Variants in DOCK5 observed in about 807,000 individuals in gnomAD.
The protein encoded by DOCK5 is dedicator of cytokinesis protein 5.
Under a neutral mutation model 251.8 loss-of-function variants are expected in DOCK5, and 142 were observed. That is an observed-to-expected ratio of 0.56 (90% CI 0.49 to 0.65). DOCK5 has a LOEUF of 0.65. Ranked by LOEUF, DOCK5 falls within the 30% of genes least tolerant of loss-of-function variation. DOCK5 has a pLI of 0.00. For missense variants in DOCK5, 2,111 were observed against 2,312.3 expected, an observed-to-expected ratio of 0.91 and a Z score of 1.79; for synonymous variants, 842 against 835.5, an observed-to-expected ratio of 1.01 and a Z score of -0.13.
chr8:25,291,067 G>A (rs1380458811), intron 5 of DOCK5, among the ~76,000 whole-genome samples: 3 of 152,166 alleles, frequency 2.0e-5, no homozygotes, highest in Non-Finnish European at 2.9e-5. Context: ...GATTGTTGGG[G>A]TGGAGACTGG....
At chr8:25,346,349 G>A (rs1027939317) in intron 26 of DOCK5, among the ~76,000 whole-genome samples, 3 of 152,118 alleles carry the variant, frequency 2.0e-5, no homozygotes, top group African/African-American at 7.2e-5. Context: ...AGGCCTTTCT[G>A]TTTTTATGCA....
At chr8:25,210,938 T>G (rs61366968) in intron 1 of DOCK5, among the ~76,000 whole-genome samples, 30,665 of 65,198 alleles carry the variant, frequency 0.47, 13,490 homozygotes, top group African/African-American at 0.68. Context: ...GAGCTGAGGT[T>G]GGGGTAGTTC....
At chr8:25,289,040 T>G (rs954185012) in intron 5 of DOCK5, among the ~76,000 whole-genome samples, 2 of 152,218 alleles carry the variant, frequency 1.3e-5, no homozygotes, top group Non-Finnish European at 2.9e-5. Flanking sequence ...TCCTTTGTGT[T>G]GCCACAGAAC....
rs1426348315 is a variant in DOCK5, at chr8:25,306,489, A to G, written c.1049+2162A>G. Reference sequence around the variant, plus strand: ...TGGGAGGCCAAGGCGGGCAGATCACAAGGTCAGGAGATCGAGACCACGGTG... The same window carrying G: ...TGGGAGGCCAAGGCGGGCAGATCACGAGGTCAGGAGATCGAGACCACGGTG... On this transcript the variant is annotated intron_variant, in intron 11 of 51. Coordinates refer to ENST00000276440, the MANE Select transcript of DOCK5 (RefSeq NM_024940.8). Among the ~76,000 whole-genome samples the G allele has an allele frequency of 1.3e-4, 20 of 152,172 alleles. No homozygotes were observed. The East Asian group carries it at 1.5e-3, about 12-fold the overall frequency.
chr8:25,262,321 T>C lies in DOCK5; in HGVS notation c.128-6524T>C, dbSNP rs73558488. ...ATAGAGTAAAATTCACCGTTTTTAG[T>C]GTACAATTCTGCAGGTTTTGACAAA... On this transcript the variant is annotated intron_variant, in intron 2 of 51. Coordinates refer to ENST00000276440, the MANE Select transcript of DOCK5 (RefSeq NM_024940.8). Among the ~76,000 whole-genome samples the C allele has an allele frequency of 4.8e-3, 724 of 152,190 alleles. 5 individuals are homozygous for C. Among genetic ancestry groups the C allele is most frequent in the African/African-American group, 0.016 (684 of 41,510 alleles).
At chr8:25,369,973 A>G (rs1338620291) in intron 34 of DOCK5, among the ~76,000 whole-genome samples, 2 of 152,248 alleles carry the variant, frequency 1.3e-5, no homozygotes, top group Non-Finnish European at 2.9e-5. Flanking sequence ...TTATAACTGC[A>G]AAGTAACAAT....
intron 32 of DOCK5, 34 bp downstream of exon 32, chr8:25,368,284 A>G (rs1297119926): frequency 7.0e-6 from 11 of 1,577,108 alleles, no homozygotes; most frequent in Non-Finnish European, 9.5e-6. Context: ...CCTGATCACA[A>G]CCTCTGAGTG....
chr8:25,412,000 C>G lies in DOCK5; in HGVS notation c.*702C>G, dbSNP rs924193701. 6.6e-6 allele frequency: 1 copy of G among 151,634 alleles called. No homozygotes were observed. Among genetic ancestry groups the G allele is most frequent in the African/African-American group, 2.4e-5 (1 of 41,308 alleles). The allele number at this position is 151,634 out of a possible 1,614,324, so 9.4% of individuals were successfully genotyped here. On this transcript the variant is annotated 3_prime_UTR_variant, in exon 52 of 52. Coordinates refer to ENST00000276440, the MANE Select transcript of DOCK5 (RefSeq NM_024940.8). ...GCCCTCTCCCTCTCCCACCACACTC[C>G]TGACTAATGGCCTTCACTGCGTCGC...
At chr8:25,221,529 A>T (rs769616098) in intron 1 of DOCK5, among the ~76,000 whole-genome samples, 1 of 152,022 alleles carries the variant, frequency 6.6e-6, no homozygotes, top group Non-Finnish European at 1.5e-5. Context: ...GGATGGTCTC[A>T]ATCTCTTGAC....
chr8:25,350,225 A>T (rs967931708), intron 26 of DOCK5, among the ~76,000 whole-genome samples: 1 of 152,232 alleles, frequency 6.6e-6, no homozygotes, highest in African/African-American at 2.4e-5. Context: ...TTTGTAAAAG[A>T]TAATAAAAAT....
At chr8:25,236,920 T>C (rs1438112812) in intron 1 of DOCK5, among the ~76,000 whole-genome samples, 1 of 152,216 alleles carries the variant, frequency 6.6e-6, no homozygotes, top group Non-Finnish European at 1.5e-5. Context: ...TGGAATATTA[T>C]GAATGATATA....
rs111375545 is a variant in DOCK5, at chr8:25,403,703, C to T, written c.5072C>T (p.Pro1691Leu). The change falls in exon 48 of 52, where the codon CCT (proline) becomes CTT (leucine). Residue 1691 changes from proline to leucine, a missense_variant. Pro to Leu is a moderately conservative substitution (Grantham distance 98). Around this residue, in one of 3 missense-constraint regions of DOCK5, gnomAD observed 1,717 missense variants for 1,892.4 expected, o/e 0.91. Transcript: ENST00000276440. ...TCTTCAAACTCGTCTGACAATGCTC[C>T]TTCCAGACCGGGATCTGATGGGTAA... is the stretch of plus-strand genomic sequence containing the variant. ...STSSNSSDNA[P>L]SRPGSDGSIL... The T allele has an allele frequency of 6.2e-7, 1 of 1,613,962 alleles. No homozygotes were observed. Among genetic ancestry groups the T allele is most frequent in the Non-Finnish European group, 8.5e-7 (1 of 1,179,856 alleles).
chr8:25,274,712 G>GATTTT (rs1803998362), intron 3 of DOCK5, among the ~76,000 whole-genome samples: 4 of 152,158 alleles, frequency 2.6e-5, no homozygotes, highest in Admixed American at 2.6e-4. Context: ...TGGTTTAAGT[G>GATTTT]GGAGTGCTGA....
chr8:25,235,342 C>A (rs1174950652), intron 1 of DOCK5, among the ~76,000 whole-genome samples: 1 of 152,104 alleles, frequency 6.6e-6, no homozygotes, highest in East Asian at 1.9e-4. Context: ...CTCACTGAAG[C>A]CTCAACCTCC....
chr8:25,372,583 C>G lies in DOCK5; in HGVS notation c.3549C>G (p.His1183Gln), dbSNP rs1241107046. The G allele has an allele frequency of 1.3e-6, 2 of 1,586,186 alleles. No homozygotes were observed. The highest frequency in any genetic ancestry group is 1.7e-6 in the Non-Finnish European group (2 of 1,170,960). ...EKLLLEHCRK[H>Q]KYLSSSGEVF... ...GGCTCCTAGAACATTGCCGGAAACA[C>G]AAATACCTCTCCAGCTCTGGGGAGG... Residue 1183 changes from histidine (H) to glutamine (Q), a missense_variant, in exon 35 of 52, where the codon CAC becomes CAG. Transcript: ENST00000276440.
At chr8:25,342,575 C>A in intron 25 of DOCK5, 68 bp downstream of exon 25, 1 of 1,229,066 alleles carries the variant, frequency 8.1e-7, no homozygotes, top group Non-Finnish European at 1.2e-6. Context: ...GCACTCCAGC[C>A]TGGGTGACAG....
In DOCK5 at chr8:25,369,641, T is replaced by G. The variant is rs752726247; in HGVS notation, c.3524T>G (p.Leu1175Arg). The G allele has an allele frequency of 2.9e-5, 46 of 1,604,712 alleles. No individual in the cohort carries two copies. In the Middle Eastern group the frequency reaches 4.9e-4, roughly 17 times the overall value. Residue 1175 changes from leucine (L) to arginine (R), a missense_variant and splice_region_variant, in exon 34 of 52, where the codon CTG becomes CGG. Coordinates refer to ENST00000276440, the MANE Select transcript of DOCK5 (RefSeq NM_024940.8). ...DEQYKVLLEK[L>R]LLEHCRKHKY... ...CAATACAAGGTTCTTCTGGAAAAAC[T>G]GTGAGTATTTCAGGAACGAAACCTG...
At chr8:25,312,863 G>A (rs1805139597) in intron 13 of DOCK5, among the ~76,000 whole-genome samples, 2 of 152,030 alleles carry the variant, frequency 1.3e-5, no homozygotes, top group South Asian at 4.1e-4. Context: ...CTGGAAGGCA[G>A]AGTTTGTAGT....
intron 1 of DOCK5, among the ~76,000 whole-genome samples, chr8:25,187,108 G>A (rs945403622): frequency 1.9e-4 from 29 of 151,504 alleles, no homozygotes; most frequent in African/African-American, 6.1e-4. Context: ...GGCTGAGGTG[G>A]GAGGATAGCT....
Sources: gnomAD v4.1 joint callset for allele counts (sites outside exome capture counted in the v4.1 genomes callset) on GRCh38, gnomAD v4.1.1 for gene constraint, gnomAD v4.1.1 regional missense constraint, MANE v1.5 for transcripts, NCBI Gene and HGNC (gene_info 2026-07-23, HGNC 2026-07-21) for gene names.